Variants in SFXN1 observed in about 807,000 individuals in gnomAD.
SFXN1 encodes the protein sideroflexin-1.
SFXN1 carries 32 observed loss-of-function variants against 39.5 expected under a neutral mutation model. The observed-to-expected ratio is 0.81, with a 90% CI of 0.61 to 1.09. The LOEUF is 1.09. SFXN1 is among the 50% of genes least tolerant of loss of function. The pLI is 0.00. For missense variants in SFXN1, 402 were observed against 407.1 expected (o/e 0.99, Z 0.11); for synonymous variants, 136 against 146.5 (o/e 0.93, Z 0.52).
At chr5:175,492,497 C>T in intron 2 of SFXN1, 2 of 379,408 alleles carry the variant, frequency 5.3e-6, no homozygotes, top group Non-Finnish European at 9.3e-6. Context: ...GGAGTCATCC[C>T]TCTTAGTTGT....
At chr5:175,512,027 A>G (rs1760535911) in intron 5 of SFXN1, 84 bp from the exon 6 acceptor site, 3 of 1,291,998 alleles carry the variant, frequency 2.3e-6, no homozygotes, top group Non-Finnish European at 3.3e-6. Context: ...TGCATTTTTC[A>G]GAGTTTTCAA....
chr5:175,499,451 G>C lies in SFXN1; in HGVS notation c.164+7184G>C, dbSNP rs535633243. Among the ~76,000 whole-genome samples the C allele has an allele frequency of 4.6e-5, 7 of 152,232 alleles. No individual in the cohort carries two copies. In the South Asian group the frequency reaches 1.5e-3, roughly 32 times the overall value. On this transcript the variant is annotated intron_variant, in intron 2 of 10. Coordinates refer to ENST00000321442, the MANE Select transcript of SFXN1 (RefSeq NM_022754.7). ...TAACAGAATTTAACAAATCTACCCG[G>C]AAAGGGCAATACCCAAAATAAGCAG...
At chr5:175,499,634 A>T (rs115103212) in intron 2 of SFXN1, among the ~76,000 whole-genome samples, 3 of 152,336 alleles carry the variant, frequency 2.0e-5, no homozygotes, top group Non-Finnish European at 4.4e-5. Context: ...TCAGCAAACT[A>T]GGAATAGAAG....
chr5:175,497,725 T>A (rs1561659819), intron 2 of SFXN1, among the ~76,000 whole-genome samples: 1 of 151,916 alleles, frequency 6.6e-6, no homozygotes, highest in Non-Finnish European at 1.5e-5. Flanking sequence ...GGTTAGGAGT[T>A]CGAGAGCAGC....
intron 2 of SFXN1, among the ~76,000 whole-genome samples, chr5:175,504,610 C>T (rs1228236152): frequency 1.3e-5 from 2 of 150,570 alleles, no homozygotes; most frequent in African/African-American, 4.9e-5. Flanking sequence ...ACCAACTGAA[C>T]AACCATAGAA....
At chr5:175,484,911 T>C (rs963430759) in intron 1 of SFXN1, among the ~76,000 whole-genome samples, 1 of 152,212 alleles carries the variant, frequency 6.6e-6, no homozygotes, top group Non-Finnish European at 1.5e-5. Context: ...TGTTTGTTTT[T>C]TAAGTGGGGC....
chr5:175,478,811 G>T (rs370232199), intron 1 of SFXN1, 172 bp downstream of exon 1: 7 of 152,276 alleles, frequency 4.6e-5, no homozygotes, highest in East Asian at 3.9e-4. Context: ...CTCGGGCCGG[G>T]GGGGGGGTCC....
At chr5:175,516,293 T>C (rs1760714300) in intron 7 of SFXN1, among the ~76,000 whole-genome samples, 1 of 152,120 alleles carries the variant, frequency 6.6e-6, no homozygotes, top group Non-Finnish European at 1.5e-5. Flanking sequence ...TGCCCTTTGT[T>C]TTATTAATAT....
intron 1 of SFXN1, among the ~76,000 whole-genome samples, chr5:175,487,507 A>C (rs1267990829): frequency 6.6e-6 from 1 of 152,122 alleles, no homozygotes; most frequent in African/African-American, 2.4e-5. Flanking sequence ...CTCATCTTTC[A>C]GGATGCCACT....
chr5:175,516,568 A>G (rs771534437), intron 7 of SFXN1, 46 bp from the exon 8 acceptor site: 7 of 1,541,522 alleles, frequency 4.5e-6, no homozygotes, highest in Non-Finnish European at 6.2e-6. Context: ...GTAAGCTGAA[A>G]ATTGGCATTA....
chr5:175,479,616 G>A (rs1759153834), intron 1 of SFXN1, among the ~76,000 whole-genome samples: 1 of 152,034 alleles, frequency 6.6e-6, no homozygotes, highest in South Asian at 2.1e-4. Flanking sequence ...TGTGAACAGG[G>A]CCTATTTTGT....
chr5:175,504,026 C>G (rs893963360), intron 2 of SFXN1, among the ~76,000 whole-genome samples: 2 of 126,884 alleles, frequency 1.6e-5, no homozygotes, highest in Non-Finnish European at 3.3e-5. Flanking sequence ...AAAAAGGGAT[C>G]CTATGGAATA....
At chr5:175,507,051 A>G (rs1760333626) in intron 2 of SFXN1, among the ~76,000 whole-genome samples, 1 of 152,190 alleles carries the variant, frequency 6.6e-6, no homozygotes, top group Non-Finnish European at 1.5e-5. Flanking sequence ...CAAGGTGTCA[A>G]CAGGGCCATG....
intron 8 of SFXN1, among the ~76,000 whole-genome samples, chr5:175,517,851 G>T (rs1327912533): frequency 6.6e-6 from 1 of 152,120 alleles, no homozygotes; most frequent in Non-Finnish European, 1.5e-5. Context: ...GTGTGCCTTG[G>T]TTGGCCTTCC....
At chr5:175,525,847 CAA>C (rs1237182789) in intron 10 of SFXN1, 2 of 152,208 alleles carry the variant, frequency 1.3e-5, no homozygotes, top group Non-Finnish European at 2.9e-5. Flanking sequence ...CTCCTGGCCT[CAA>C]GAAATCCTCC....
chr5:175,526,760 A>C lies in SFXN1; in HGVS notation c.*26A>C. 199 of 1,566,614 alleles carry C rather than the reference A, an allele frequency of 1.3e-4. No individual in the cohort carries two copies. Among genetic ancestry groups the C allele is most frequent in the Non-Finnish European group, 1.6e-4 (184 of 1,137,302 alleles). On this transcript the variant is annotated 3_prime_UTR_variant, in exon 11 of 11. Coordinates refer to ENST00000321442, the MANE Select transcript of SFXN1 (RefSeq NM_022754.7). ...AGCAGGGAGGAAACCTCTGCAGCTC[A>C]TTCTGCCACTGCAAAGCTGGTGTAG...
Position 175,512,007 on chromosome 5 carries a change from A to AATTCCC in SFXN1, c.511-102_511-101insTCCCAT. On this transcript the variant is annotated intron_variant, in intron 5 of 10. Coordinates refer to ENST00000321442, the MANE Select transcript of SFXN1 (RefSeq NM_022754.7). ...CATTCTTGGCCTGAGTTTCTATGCAAATGGGACTCTGCATTTTTCAGAGTT... is the reference window on the plus strand; with the variant it reads ...CATTCTTGGCCTGAGTTTCTATGCAAATTCCCATGGGACTCTGCATTTTTCAGAGTT... The AATTCCC allele has an allele frequency of 3.8e-6, 4 of 1,051,704 alleles. No individual in the cohort carries two copies. In the South Asian group the frequency reaches 6.0e-5, roughly 16 times the overall value. 65.1% of individuals were successfully genotyped at this position (1,051,704 alleles called of 1,614,324 possible).
Position 175,509,216 on chromosome 5 carries a change from A to T in SFXN1, c.335+14A>T. 1.3e-6 allele frequency: 2 copies of T among 1,599,882 alleles called. No homozygotes were observed. Among genetic ancestry groups the T allele is most frequent in the South Asian group, 1.1e-5 (1 of 88,474 alleles). On this transcript the variant is annotated intron_variant, in intron 3 of 10. Transcript: ENST00000321442. ...GACGTTTTACAGGTATGTTATGAAT[A>T]TGTAGCAACAGTGTGTTTACCATTA... is the stretch of plus-strand genomic sequence containing the variant.
At chr5:175,505,644 G>A (rs983741166) in intron 2 of SFXN1, among the ~76,000 whole-genome samples, 8 of 151,876 alleles carry the variant, frequency 5.3e-5, no homozygotes, top group Non-Finnish European at 7.4e-5. Context: ...ATAGCGTGTG[G>A]GACGGTTGCT....
Sources: gnomAD v4.1 joint callset for allele counts (sites outside exome capture counted in the v4.1 genomes callset) on GRCh38, gnomAD v4.1.1 for gene constraint, MANE v1.5 for transcripts, NCBI Gene and HGNC (gene_info 2026-07-23, HGNC 2026-07-21) for gene names.